ANKS3: variants seen among roughly 807,000 people sequenced by gnomAD.
ANKS3 encodes the protein ankyrin repeat and sterile alpha motif domain containing 3, also known as ankyrin repeat and SAM domain-containing protein 3.
Under a neutral mutation model 80.7 loss-of-function variants are expected in ANKS3, and 62 were observed. The ratio of observed to expected loss-of-function variants is 0.77; its 90% CI spans 0.63 to 0.95. ANKS3 has a LOEUF of 0.95. ANKS3 is among the 40% of genes least tolerant of loss of function. The probability of loss-of-function intolerance (pLI) is 0.00; values close to 1 mark genes in which losing one functional copy is unlikely to be tolerated. For synonymous variants in ANKS3, 489 were observed against 355.3 expected (o/e 1.38, Z -4.23); for missense variants, 1,150 against 883.6 (o/e 1.30, Z -3.82).
chr16:4,722,377 G>A (rs1434570767), intron 6 of ANKS3, among the ~76,000 whole-genome samples: 4 of 151,628 alleles, frequency 2.6e-5, no homozygotes, highest in African/African-American at 2.4e-5. Context: ...TCAGGAGATC[G>A]AGACCATCCT....
At chr16:4,730,523 A>G (rs180961590) in intron 2 of ANKS3, among the ~76,000 whole-genome samples, 27 of 152,266 alleles carry the variant, frequency 1.8e-4, no homozygotes, top group African/African-American at 6.0e-4. Context: ...GTTTAACCCA[A>G]TCAGTTCCTT....
intron 3 of ANKS3, chr16:4,727,942 A>G (rs76402849): frequency 0.019 from 2,919 of 152,462 alleles, 46 homozygotes; most frequent in Non-Finnish European, 0.03. Context: ...GGGATCCTAC[A>G]TGGTTAACGC....
intron 6 of ANKS3, among the ~76,000 whole-genome samples, chr16:4,716,669 G>T (rs1263471623): frequency 6.6e-6 from 1 of 152,168 alleles, no homozygotes; most frequent in East Asian, 1.9e-4. Context: ...TGTAATCCCA[G>T]CACTTTGGGG....
At position 4,724,777 on chromosome 16, in the gene ANKS3, C is replaced by T; in HGVS notation, c.546G>A (p.Glu182=). ...PLMEAAAAGH[E]IIVQYFLNHG... is the part of the protein sequence containing the mutation. ...GATTCAGAAAATACTGCACGATTAT[C>T]TCATGGCCAGCAGCAGCTGCTTCCA... The change falls in exon 6 of 18, where the codon GAG becomes GAA. Residue 182 remains glutamate, a synonymous_variant. Transcript: ENST00000304283. The T allele has an allele frequency of 6.2e-7, 1 of 1,614,114 alleles. No homozygotes were observed. Among genetic ancestry groups the T allele is most frequent in the Non-Finnish European group, 8.5e-7 (1 of 1,179,992 alleles).
At chr16:4,713,782 G>A (rs957755928) in intron 7 of ANKS3, among the ~76,000 whole-genome samples, 1 of 152,186 alleles carries the variant, frequency 6.6e-6, no homozygotes, top group Admixed American at 6.6e-5. Flanking sequence ...AAAACTAAGA[G>A]GGGCCTGCCC....
At position 4,724,738 on chromosome 16, in the gene ANKS3, AG is replaced by A; in HGVS notation, c.573+11del. The stretch of plus-strand genomic sequence containing the variant: ...GTGACTACATTACATGCTAATAATC[AG>A]GGTCACTTACGTGATTCAGAAAATA... On this transcript the variant is annotated intron_variant, in intron 6 of 17. Transcript: ENST00000304283. The A allele has an allele frequency of 1.9e-6, 3 of 1,610,840 alleles. No individual in the cohort carries two copies. The highest frequency in any genetic ancestry group is 2.5e-6 in the Non-Finnish European group (3 of 1,177,618).
rs73521445 is a variant in ANKS3 at position 4,697,255 on chromosome 16, G to T, written c.1894+78C>A. 1.9e-3 allele frequency: 2,942 copies of T among 1,541,190 alleles called. 43 individuals carry two copies. In the African/African-American group the frequency reaches 0.037, roughly 19 times the overall value. The stretch of plus-strand genomic sequence containing the variant: ...CCTTGGGGTAGAGAGACACAAACCC[G>T]CTTTCCCTGGAAAGGGGTCCCTTTG... On this transcript the variant is annotated intron_variant, in intron 16 of 17. Transcript: ENST00000304283.
chr16:4,698,281 G>A, intron 14 of ANKS3, 146 bp downstream of exon 14: 2 of 1,244,596 alleles, frequency 1.6e-6, no homozygotes, highest in South Asian at 3.2e-5. Context: ...CAGGAAGGAA[G>A]GGCCTGATGA....
At chr16:4,709,624 T>C (rs1260853606) in intron 7 of ANKS3, among the ~76,000 whole-genome samples, 1 of 152,172 alleles carries the variant, frequency 6.6e-6, no homozygotes, top group Non-Finnish European at 1.5e-5. Context: ...TTGAATATTA[T>C]TCAGACATAA....
At chr16:4,732,381 T>C (rs2081668692) in intron 1 of ANKS3, among the ~76,000 whole-genome samples, 1 of 152,102 alleles carries the variant, frequency 6.6e-6, no homozygotes. Context: ...TGAGGCCGTG[T>C]TCTCTATTTA....
At position 4,706,437 on chromosome 16, in the gene ANKS3, A is replaced by T. The variant is rs13336501; in HGVS notation, c.710-1184T>A. ...TTTTTAGTAGAGACGGGGTTTCACC[A>T]TGTTGGCCAGGCTGGTCTCGATCTC... On this transcript the variant is annotated intron_variant, in intron 7 of 17. Transcript: ENST00000304283. 1.8e-4 allele frequency among the ~76,000 whole-genome samples: 27 copies of T among 151,970 alleles called. No homozygotes were observed. In the East Asian group the frequency reaches 1.9e-3, roughly 11 times the overall value.
At chr16:4,700,017 G>C (rs536011280) in intron 11 of ANKS3, 3 of 152,612 alleles carry the variant, frequency 2.0e-5, no homozygotes, top group Admixed American at 6.5e-5. Context: ...TGAAGGGACC[G>C]AGACGTGTGC....
chr16:4,718,117 C>T (rs536164644), intron 6 of ANKS3, among the ~76,000 whole-genome samples: 1 of 148,240 alleles, frequency 6.7e-6, no homozygotes, highest in East Asian at 2.0e-4. Flanking sequence ...GACAAGGTCT[C>T]ACTGTATTGC....
intron 6 of ANKS3, among the ~76,000 whole-genome samples, chr16:4,716,219 G>T (rs1469857642): frequency 2.0e-5 from 3 of 151,932 alleles, no homozygotes; most frequent in African/African-American, 7.2e-5. Context: ...AATTAGCCGG[G>T]CGTGGTGGTG....
At chr16:4,719,867 A>C (rs1243831834) in intron 6 of ANKS3, among the ~76,000 whole-genome samples, 2 of 152,236 alleles carry the variant, frequency 1.3e-5, no homozygotes, top group East Asian at 3.9e-4. Context: ...AGGGAGCCAA[A>C]AAGTCTAACA....
At chr16:4,710,707 C>T (rs2080439046) in intron 7 of ANKS3, among the ~76,000 whole-genome samples, 1 of 151,896 alleles carries the variant, frequency 6.6e-6, no homozygotes, top group African/African-American at 2.4e-5. Context: ...AAGACCCTGT[C>T]ACAAAAAATA....
chr16:4,717,770 T>A (rs2080874759), intron 6 of ANKS3, among the ~76,000 whole-genome samples: 1 of 151,508 alleles, frequency 6.6e-6, no homozygotes, highest in African/African-American at 2.4e-5. Flanking sequence ...CTTCTCAGCC[T>A]CCCTGGGATT....
chr16:4,697,525 C>T, intron 15 of ANKS3, 109 bp from the exon 16 acceptor site: 2 of 902,982 alleles, frequency 2.2e-6, no homozygotes, highest in Non-Finnish European at 3.3e-6. Context: ...CAGAACCTCC[C>T]TACCCGCCTG....
chr16:4,722,621 T>A (rs2081161089), intron 6 of ANKS3, among the ~76,000 whole-genome samples: 3 of 148,926 alleles, frequency 2.0e-5, no homozygotes, highest in Admixed American at 1.3e-4. Flanking sequence ...GAAATCAATT[T>A]AAAAATGTTC....
Sources: gnomAD v4.1 joint callset for allele counts (sites outside exome capture counted in the v4.1 genomes callset) on GRCh38, gnomAD v4.1.1 for gene constraint, MANE v1.5 for transcripts, NCBI Gene and HGNC (gene_info 2026-07-23, HGNC 2026-07-21) for gene names.